The following C2orf76 variants were observed in gnomAD, a reference collection of about 807,000 sequenced individuals.
The protein encoded by C2orf76 is chromosome 2 open reading frame 76, also known as UPF0538 protein C2orf76.
C2orf76 carries 23 observed loss-of-function variants against 16.9 expected under a neutral mutation model. The observed-to-expected ratio is 1.36, with a 90% CI of 0.98 to 1.93. C2orf76 has a LOEUF of 1.93. C2orf76 is among the 30% of genes most tolerant of loss of function. C2orf76 has a pLI of 0.00. For synonymous variants in C2orf76, 48 were observed against 52.3 expected, an observed-to-expected ratio of 0.92 and a Z score of 0.35; for missense variants, 152 against 152.6, an observed-to-expected ratio of 1.00 and a Z score of 0.02.
downstream of C2orf76, among the ~76,000 whole-genome samples, chr2:119,299,847 T>C (rs1482565335): frequency 1.3e-5 from 2 of 152,262 alleles, no homozygotes; most frequent in East Asian, 3.9e-4. Flanking sequence ...AGCAAACAAA[T>C]GGAATATGTT....
chr2:119,308,949 G>C (rs1430591206), intron 5 of C2orf76, among the ~76,000 whole-genome samples: 2 of 132,202 alleles, frequency 1.5e-5, no homozygotes, highest in East Asian at 3.9e-4. Context: ...AACTCCCTTG[G>C]ACAATGCCAC....
At chr2:119,345,003 A>C (rs1022687144) in intron 1 of C2orf76, among the ~76,000 whole-genome samples, 1 of 152,190 alleles carries the variant, frequency 6.6e-6, no homozygotes, top group African/African-American at 2.4e-5. Context: ...CTCACTCCTT[A>C]TACAAAATAA....
intron 1 of C2orf76, among the ~76,000 whole-genome samples, chr2:119,357,597 C>CA (rs56672129): frequency 0.24 from 29,837 of 122,728 alleles, 3,246 homozygotes; most frequent in Non-Finnish European, 0.26. Context: ...AAAAACAAAC[C>CA]AAAAAAAAAA....
At chr2:119,325,061 T>G (rs72829481) in intron 2 of C2orf76, among the ~76,000 whole-genome samples, 2,851 of 149,982 alleles carry the variant, frequency 0.019, 35 homozygotes, top group South Asian at 0.056. Flanking sequence ...GGTGGCCGAG[T>G]GCAGGGGCTC....
At chr2:119,310,373 T>C (rs1328709678) in intron 5 of C2orf76, among the ~76,000 whole-genome samples, 6 of 152,248 alleles carry the variant, frequency 3.9e-5, no homozygotes, top group Non-Finnish European at 8.8e-5. Context: ...AAGACAAGAA[T>C]ATTCTAGCAA....
chr2:119,364,070 AGGAGAAAGGGGGAG>A (rs1680841591), intron 1 of C2orf76, among the ~76,000 whole-genome samples: 1 of 151,880 alleles, frequency 6.6e-6, no homozygotes, highest in African/African-American at 2.4e-5. Flanking sequence ...AGACAGAGAT[AGGAGAAAGGGGGAG>A]GGAGAGAGAG....
chr2:119,324,574 T>C (rs1352480625), intron 2 of C2orf76, among the ~76,000 whole-genome samples: 1 of 152,162 alleles, frequency 6.6e-6, no homozygotes, highest in Non-Finnish European at 1.5e-5. Context: ...GAACCTAAAA[T>C]AGTGCCTGGT....
chr2:119,356,407 A>G (rs1204474419), intron 1 of C2orf76, among the ~76,000 whole-genome samples: 1 of 151,858 alleles, frequency 6.6e-6, no homozygotes, highest in Non-Finnish European at 1.5e-5. Flanking sequence ...AAAAAAAAAA[A>G]AAAAAGGAAA....
the C2orf76 span, among the ~76,000 whole-genome samples, chr2:119,288,690 C>A: frequency 8.6e-5 from 13 of 152,022 alleles, 1 homozygote; most frequent in Non-Finnish European, 5.9e-5. Flanking sequence ...CCGACACTGG[C>A]AGAAAGCACC....
At chr2:119,366,912 T>A, upstream of C2orf76, 1 of 1,110,598 alleles carries the variant, frequency 9.0e-7, no homozygotes, top group South Asian at 1.4e-5. Context: ...GGCTTCTGAT[T>A]GGCTTTCCGG....
chr2:119,348,361 T>C (rs1018135518), intron 1 of C2orf76, among the ~76,000 whole-genome samples: 14 of 152,142 alleles, frequency 9.2e-5, no homozygotes, highest in Non-Finnish European at 1.8e-4. Flanking sequence ...GATACCAACT[T>C]TGAAAGATGG....
intron 1 of C2orf76, among the ~76,000 whole-genome samples, chr2:119,354,686 C>T: frequency 6.6e-6 from 1 of 152,194 alleles, no homozygotes; most frequent in Non-Finnish European, 1.5e-5. Flanking sequence ...TCATCTTTCA[C>T]TGACAGAACT....
chr2:119,299,054 T>C (rs2104524373), downstream of C2orf76, among the ~76,000 whole-genome samples: 1 of 152,110 alleles, frequency 6.6e-6, no homozygotes, highest in East Asian at 1.9e-4. Context: ...TAACTGGAAC[T>C]ACAGGGGCAA....
At chr2:119,366,997 T>C (rs1681040112), upstream of C2orf76, 12 of 1,612,092 alleles carry the variant, frequency 7.4e-6, no homozygotes, top group South Asian at 1.2e-4. Context: ...GGGCGATCGC[T>C]TCCTGGTCCT....
chr2:119,306,572 G>T (rs777139151), intron 5 of C2orf76, among the ~76,000 whole-genome samples: 6 of 151,584 alleles, frequency 4.0e-5, no homozygotes, highest in African/African-American at 9.7e-5. Context: ...GACCAGATTC[G>T]AAAGACAACA....
At chr2:119,348,365 A>T (rs1370305226) in intron 1 of C2orf76, among the ~76,000 whole-genome samples, 1 of 152,204 alleles carries the variant, frequency 6.6e-6, no homozygotes, top group African/African-American at 2.4e-5. Flanking sequence ...CCAACTTTGA[A>T]AGATGGCCAT....
At chr2:119,354,625 T>C (rs1038135258) in intron 1 of C2orf76, among the ~76,000 whole-genome samples, 2 of 152,252 alleles carry the variant, frequency 1.3e-5, no homozygotes, top group Non-Finnish European at 2.9e-5. Flanking sequence ...TGTTGTTGTT[T>C]AGCTGCATAA....
At chr2:119,321,498 G>A (rs780955084) in intron 2 of C2orf76, among the ~76,000 whole-genome samples, 9 of 152,110 alleles carry the variant, frequency 5.9e-5, no homozygotes, top group Non-Finnish European at 1.2e-4. Context: ...CTAACATGGC[G>A]CCAGGCAAGA....
intron 1 of C2orf76, among the ~76,000 whole-genome samples, chr2:119,363,323 C>T (rs940960924): frequency 4.0e-5 from 6 of 151,626 alleles, no homozygotes; most frequent in Non-Finnish European, 7.4e-5. Context: ...ACTCGGGAGG[C>T]TGAGGCAGGA....
Sources: allele counts gnomAD v4.1 joint callset (sites outside exome capture counted in the v4.1 genomes callset), GRCh38; gene constraint gnomAD v4.1.1; transcripts MANE v1.5; gene names NCBI Gene and HGNC (gene_info 2026-07-23, HGNC 2026-07-21).